DAAM1: variants seen among roughly 807,000 people sequenced by gnomAD.
The protein encoded by DAAM1 is dishevelled associated activator of morphogenesis 1, also known as disheveled-associated activator of morphogenesis 1.
DAAM1 carries 52 observed loss-of-function variants against 130.0 expected under a neutral mutation model. The ratio of observed to expected loss-of-function variants is 0.40; its 90% CI spans 0.32 to 0.50. The LOEUF (loss-of-function observed/expected upper bound fraction) is 0.50, where lower values mean the gene tolerates loss of function less well. Among genes scored for constraint, DAAM1 ranks in the 20% least tolerant of loss-of-function variants. DAAM1 has a pLI of 0.61. For missense variants in DAAM1, 1,134 were observed against 1,303.8 expected (o/e 0.87, Z 2.01); for synonymous variants, 452 against 444.5 (o/e 1.02, Z -0.21).
intron 1 of DAAM1, among the ~76,000 whole-genome samples, chr14:59,262,934 C>T (rs1380663869): frequency 2.0e-5 from 3 of 152,176 alleles, no homozygotes; most frequent in African/African-American, 7.2e-5. Flanking sequence ...CAGGAAGACA[C>T]ACTCATAAAG....
At position 59,326,902 on chromosome 14, in the gene DAAM1, T is replaced by A. The variant is rs552145113; in HGVS notation, c.1314-31T>A. The A allele has an allele frequency of 8.7e-6, 14 of 1,612,400 alleles. No individual in the cohort carries two copies. In the Admixed American group the frequency reaches 1.5e-4, roughly 17 times the overall value. On this transcript the variant is annotated intron_variant, in intron 11 of 24. Transcript: ENST00000360909. ...TTAGCAGTGGACCTTTTATATTTTT[T>A]GTAATAAATGCTCCTTGAACTCTTA...
chr14:59,322,750 G>A, intron 5 of DAAM1, 142 bp from the exon 6 acceptor site: 1 of 665,926 alleles, frequency 1.5e-6, no homozygotes, highest in East Asian at 2.7e-5. Context: ...AAGAGGCAAA[G>A]AATTAAAAAG....
chr14:59,236,833 G>T (rs374880173), intron 1 of DAAM1, among the ~76,000 whole-genome samples: 1 of 152,116 alleles, frequency 6.6e-6, no homozygotes, highest in Admixed American at 6.6e-5. Context: ...TGTAATATAA[G>T]TGGTTTTGAA....
At position 59,237,662 on chromosome 14, in the gene DAAM1, T is replaced by G. The variant is rs76252081; in HGVS notation, c.-37-25779T>G. Among the ~76,000 whole-genome samples, 1,367 of 152,254 alleles carry G rather than the reference T, an allele frequency of 9.0e-3. 22 individuals carry two copies. Among genetic ancestry groups the G allele is most frequent in the African/African-American group, 0.032 (1,312 of 41,544 alleles). On this transcript the variant is annotated intron_variant, in intron 1 of 24. Coordinates refer to ENST00000360909, the MANE Select transcript of DAAM1 (RefSeq NM_001270520.2). The stretch of plus-strand genomic sequence containing the variant: ...TGTGCCAGGATTGATATAGGCCTTA[T>G]TGCATCTAATAAGACACTACCACAT...
At chr14:59,270,113 T>C (rs1024582892) in intron 2 of DAAM1, among the ~76,000 whole-genome samples, 10 of 152,202 alleles carry the variant, frequency 6.6e-5, no homozygotes, top group Admixed American at 3.9e-4. Flanking sequence ...TTCTGTTCAG[T>C]ATTTGTGAGG....
In DAAM1 at chr14:59,324,170, G is replaced by A; in HGVS notation, c.817G>A (p.Asp273Asn). Residue 273 changes from aspartate (D) to asparagine (N), a missense_variant, in exon 7 of 25, where the codon GAT becomes AAT. Transcript: ENST00000360909. ...DLDKSTGRYR[D>N]EVSLKTAIMS... ...GGATAAAAGCACTGGGCGGTATCGA[G>A]ATGAAGTGAGTCTCAAGACTGCCAT... is the stretch of plus-strand genomic sequence containing the variant. The A allele has an allele frequency of 6.9e-7, 1 of 1,456,982 alleles. No homozygotes were observed. 90.3% of individuals were successfully genotyped at this position (1,456,982 alleles called of 1,614,324 possible). A position where few individuals can be genotyped will look rare whatever the true frequency, so the allele number is the denominator to read the frequency against.
chr14:59,288,758 A>G (rs1883573521), intron 2 of DAAM1, among the ~76,000 whole-genome samples: 1 of 151,940 alleles, frequency 6.6e-6, no homozygotes, highest in South Asian at 2.1e-4. Flanking sequence ...CTTAACAGGA[A>G]GCATGACTGG....
chr14:59,231,111 A>G (rs573510690), intron 1 of DAAM1, among the ~76,000 whole-genome samples: 2 of 152,330 alleles, frequency 1.3e-5, no homozygotes, highest in Admixed American at 1.3e-4. Flanking sequence ...TATTAAACAC[A>G]CAAGAATATA....
intron 1 of DAAM1, among the ~76,000 whole-genome samples, chr14:59,218,946 G>A (rs1262778908): frequency 1.3e-5 from 2 of 152,294 alleles, no homozygotes; most frequent in East Asian, 1.9e-4. Context: ...GGCTGGGACT[G>A]TATTACAAGC....
chr14:59,263,934 G>A, intron 2 of DAAM1: 1 of 483,022 alleles, frequency 2.1e-6, no homozygotes, highest in Non-Finnish European at 3.8e-6. Flanking sequence ...TGGCAGTACT[G>A]CATCTTAAGT....
chr14:59,348,768 C>G (rs1380643357), intron 17 of DAAM1, among the ~76,000 whole-genome samples: 1 of 152,078 alleles, frequency 6.6e-6, no homozygotes, highest in Non-Finnish European at 1.5e-5. Context: ...TTCCATGGTT[C>G]TCACTGATGT....
Position 59,332,042 on chromosome 14 carries a change from C to T in DAAM1, c.1968+122C>T, listed in dbSNP as rs1660305226. Reference sequence around the variant, plus strand: ...TATGAATTCTAGGCTGTTGGATCTACCCTGTGCATGTCCGTGTCTCCGTCC... The same window carrying T: ...TATGAATTCTAGGCTGTTGGATCTATCCTGTGCATGTCCGTGTCTCCGTCC... On this transcript the variant is annotated intron_variant, in intron 15 of 24. Coordinates refer to ENST00000360909, the MANE Select transcript of DAAM1 (RefSeq NM_001270520.2). The T allele has an allele frequency of 3.8e-6, 3 of 798,754 alleles. No individual in the cohort carries two copies. The South Asian group carries it at 5.1e-5, about 14-fold the overall frequency. 49.5% of individuals were successfully genotyped at this position (798,754 alleles called of 1,614,324 possible).
chr14:59,209,376 A>T (rs1440929510), intron 1 of DAAM1, among the ~76,000 whole-genome samples: 1 of 152,196 alleles, frequency 6.6e-6, no homozygotes, highest in Non-Finnish European at 1.5e-5. Context: ...TTTTCTTAGG[A>T]TAAATTCATA....
chr14:59,344,009 C>T (rs1304601855), intron 16 of DAAM1, among the ~76,000 whole-genome samples: 1 of 152,206 alleles, frequency 6.6e-6, no homozygotes, highest in Non-Finnish European at 1.5e-5. Flanking sequence ...TTAAAATTTA[C>T]TCTGTTTTAT....
chr14:59,230,851 A>T (rs1165179285), intron 1 of DAAM1, among the ~76,000 whole-genome samples: 1 of 152,188 alleles, frequency 6.6e-6, no homozygotes, highest in East Asian at 1.9e-4. Flanking sequence ...CACCTCACAG[A>T]TATGTACACC....
chr14:59,324,369 C>A lies in DAAM1; in HGVS notation c.904C>A (p.Leu302Ile). 6.3e-7 allele frequency: 1 copy of A among 1,592,000 alleles called. No individual in the cohort carries two copies. Among genetic ancestry groups the A allele is most frequent in the Non-Finnish European group, 8.6e-7 (1 of 1,168,836 alleles). ...CTTTCAGGAGAGTTTGGACTTTAGA[C>A]TTCATCTTCGCTATGAATTTCTGAT... ...GAGVESLDFR[L>I]HLRYEFLMLG... is the part of the protein sequence containing the mutation. Residue 302 changes from leucine (L) to isoleucine (I), a missense_variant, in exon 8 of 25, where the codon CTT (leucine) becomes ATT (isoleucine). By Grantham distance (5) the Leu-to-Ile change is conservative (BLOSUM62 2). Around this residue, in one of 3 missense-constraint regions of DAAM1, gnomAD observed 391 missense variants for 521.6 expected, o/e 0.75. Coordinates refer to ENST00000360909, the MANE Select transcript of DAAM1 (RefSeq NM_001270520.2).
At chr14:59,250,534 G>T (rs1031924474) in intron 1 of DAAM1, among the ~76,000 whole-genome samples, 2 of 152,144 alleles carry the variant, frequency 1.3e-5, no homozygotes, top group Non-Finnish European at 2.9e-5. Flanking sequence ...TTATTGAGGT[G>T]TATACTTAGA....
intron 19 of DAAM1, 150 bp downstream of exon 19, chr14:59,354,114 G>A (rs909099317): frequency 1.8e-5 from 13 of 713,404 alleles, no homozygotes; most frequent in Admixed American, 1.1e-4. Context: ...AGGCTGGAGT[G>A]CAGTAGCGCG....
intron 1 of DAAM1, among the ~76,000 whole-genome samples, chr14:59,252,350 G>T (rs1440851742): frequency 6.6e-6 from 1 of 152,226 alleles, no homozygotes; most frequent in African/African-American, 2.4e-5. Flanking sequence ...TATTACAAAT[G>T]TCAGTGTCCT....
Sources: allele counts gnomAD v4.1 joint callset (sites outside exome capture counted in the v4.1 genomes callset), GRCh38; gene constraint gnomAD v4.1.1; regional missense constraint gnomAD v4.1.1; transcripts MANE v1.5; gene names NCBI Gene and HGNC (gene_info 2026-07-23, HGNC 2026-07-21).